NSD1: variants seen among roughly 807,000 people sequenced by gnomAD.
NSD1 encodes the protein histone-lysine N-methyltransferase, H3 lysine-36 specific.
A neutral mutation model predicts 242.7 loss-of-function variants in NSD1; 26 were observed. That is an observed-to-expected ratio of 0.11 (90% CI 0.08 to 0.15). NSD1 has a LOEUF of 0.15. NSD1 is among the 10% of genes least tolerant of loss of function. NSD1 has a pLI of 1.00. For missense variants in NSD1, 2,495 were observed against 3,272.8 expected, an observed-to-expected ratio of 0.76 and a Z score of 5.80; for synonymous variants, 1,106 against 1,178.1, an observed-to-expected ratio of 0.94 and a Z score of 1.25.
At chr5:177,235,252 A>T (rs1765353771) in intron 5 of NSD1, among the ~76,000 whole-genome samples, 2 of 152,356 alleles carry the variant, frequency 1.3e-5, no homozygotes, top group Admixed American at 1.3e-4. Flanking sequence ...TAATGTAGAA[A>T]ATAAATATTT....
At chr5:177,220,233 G>A (rs904388217) in intron 5 of NSD1, among the ~76,000 whole-genome samples, 1 of 152,082 alleles carries the variant, frequency 6.6e-6, no homozygotes, top group Non-Finnish European at 1.5e-5. Flanking sequence ...GGTGAATTAC[G>A]TATTTGCAAG....
rs771587260 is a variant in NSD1, at chr5:177,135,896, A to G, written c.793A>G (p.Ile265Val). 10 of 1,611,202 alleles carry G rather than the reference A, an allele frequency of 6.2e-6. No homozygotes were observed. The highest frequency in any genetic ancestry group is 3.3e-5 in the Admixed American group (2 of 59,960). ...CCCCTTTTCACTAGGAGACACAAAC[A>G]TTACAATAGAAGAGCAATTAAACTC... ...PAPFSLGDTN[I>V]TIEEQLNSIN... Residue 265 changes from isoleucine to valine, a missense_variant, in exon 2 of 23, where the codon ATT becomes GTT. By Grantham distance (29) the Ile-to-Val change is conservative (BLOSUM62 3). Coordinates refer to ENST00000439151, the MANE Select transcript of NSD1 (RefSeq NM_022455.5).
chr5:177,160,659 T>A (rs897872159), intron 2 of NSD1, among the ~76,000 whole-genome samples: 2 of 152,186 alleles, frequency 1.3e-5, no homozygotes, highest in Non-Finnish European at 2.9e-5. Context: ...CTTTTTTTGG[T>A]AATTTTGCAT....
chr5:177,155,281 G>A (rs779468981), intron 2 of NSD1, among the ~76,000 whole-genome samples: 20 of 150,100 alleles, frequency 1.3e-4, no homozygotes, highest in Non-Finnish European at 2.7e-4. Context: ...TAGCCACCGC[G>A]CCTGGCCTAA....
In NSD1 at chr5:177,238,433, T is replaced by C. The variant is rs1554195885; in HGVS notation, c.4118T>C (p.Leu1373Ser). ...CATGCTGAGTTGCCGCAGCTGACCT[T>C]GTCTGTGCCTGTGGCTCCGGAAGTC... ...GGHAELPQLT[L>S]SVPVAPEVSP... is the part of the protein sequence containing the mutation. Residue 1373 changes from leucine (L) to serine (S), a missense_variant, in exon 7 of 23, where the codon TTG becomes TCG. Leu to Ser is a moderately radical substitution (Grantham distance 145). This residue lies in a region of NSD1 where 100 missense variants were observed against 190.7 expected (regional missense o/e 0.52). Transcript: ENST00000439151. The surrounding 1 kb of genome is among the most constrained non-coding windows in gnomAD (Gnocchi z 4.6). 1 of 1,614,118 alleles carries C rather than the reference T, an allele frequency of 6.2e-7. No homozygotes were observed. The highest frequency in any genetic ancestry group is 8.5e-7 in the Non-Finnish European group (1 of 1,180,012).
chr5:177,289,567 G>C (rs983883128), intron 21 of NSD1, among the ~76,000 whole-genome samples: 1 of 151,970 alleles, frequency 6.6e-6, no homozygotes, highest in Admixed American at 6.6e-5. Flanking sequence ...ATAGATTCTT[G>C]GTATATCTGT....
chr5:177,279,393 G>A (rs555859262), intron 17 of NSD1, among the ~76,000 whole-genome samples: 27 of 152,154 alleles, frequency 1.8e-4, no homozygotes, highest in African/African-American at 6.5e-4. Context: ...AGCTACCTGG[G>A]AGGCTGAGGC....
At chr5:177,151,719 T>C (rs1757722133) in intron 2 of NSD1, among the ~76,000 whole-genome samples, 1 of 150,542 alleles carries the variant, frequency 6.6e-6, no homozygotes. Flanking sequence ...TGAGACAGGG[T>C]CTCACTCTGT....
chr5:177,200,766 A>T (rs901084779), intron 3 of NSD1, among the ~76,000 whole-genome samples: 1 of 152,228 alleles, frequency 6.6e-6, no homozygotes, highest in African/African-American at 2.4e-5. Flanking sequence ...TAAAGGCTAC[A>T]TAATACGTCA....
chr5:177,228,278 T>G (rs1195296087), intron 5 of NSD1, among the ~76,000 whole-genome samples: 1 of 151,626 alleles, frequency 6.6e-6, no homozygotes, highest in Non-Finnish European at 1.5e-5. Context: ...TTTTTTTTTT[T>G]TGAGTTAGAG....
At chr5:177,265,916 G>T (rs1757401727) in intron 14 of NSD1, 8 of 1,447,756 alleles carry the variant, frequency 5.5e-6, no homozygotes, top group Non-Finnish European at 7.8e-6. Context: ...CACCTTGACG[G>T]TGTAGATGTC....
chr5:177,230,623 T>G (rs1166694712), intron 5 of NSD1, among the ~76,000 whole-genome samples: 1 of 151,914 alleles, frequency 6.6e-6, no homozygotes, highest in African/African-American at 2.4e-5. Context: ...GACAGGAGTT[T>G]GAGACCAGCT....
At chr5:177,136,365 G>A in intron 2 of NSD1, 2 of 227,006 alleles carry the variant, frequency 8.8e-6, no homozygotes, top group East Asian at 8.9e-5. Context: ...TGGCCTGCCA[G>A]CACCATGAGT....
intron 2 of NSD1, among the ~76,000 whole-genome samples, chr5:177,166,041 C>T (rs1759168270): frequency 6.6e-6 from 1 of 151,736 alleles, no homozygotes; most frequent in Non-Finnish European, 1.5e-5. Context: ...TCCCGAGTGG[C>T]TGGGATTACA....
intron 2 of NSD1, among the ~76,000 whole-genome samples, chr5:177,179,830 G>A (rs79005939): frequency 0.025 from 3,860 of 152,208 alleles, 49 homozygotes; most frequent in African/African-American, 0.029. Flanking sequence ...ATGGGGAAGG[G>A]GGCCAATCAG....
chr5:177,191,795 A>C (rs949767501), intron 2 of NSD1, 89 bp from the exon 3 acceptor site: 1 of 1,387,964 alleles, frequency 7.2e-7, no homozygotes, highest in South Asian at 1.2e-5. Context: ...TTTTTCATAC[A>C]TTGCTTTTTC....
chr5:177,159,717 C>T lies in NSD1; in HGVS notation c.927+23687C>T, dbSNP rs867755467. ...TTCAAGCAATTCTGCCTCAGCCTCC[C>T]GAGTAGCTGGGATTGCAGGCATATA... is the stretch of plus-strand genomic sequence containing the variant. On this transcript the variant is annotated intron_variant, in intron 2 of 22. Transcript: ENST00000439151. Among the ~76,000 whole-genome samples the T allele has an allele frequency of 5.3e-5, 8 of 151,538 alleles. No homozygotes were observed. The South Asian group carries it at 6.3e-4, about 12-fold the overall frequency.
chr5:177,238,179 G>A lies in NSD1; in HGVS notation c.3922-58G>A. On this transcript the variant is annotated intron_variant, in intron 6 of 22. Transcript: ENST00000439151. The surrounding 1 kb of genome is among the most constrained non-coding windows in gnomAD (Gnocchi z 4.6). The stretch of plus-strand genomic sequence containing the variant: ...CCTTTTAAAGTGTGTTATTCTTTTT[G>A]ACACTTAAATTACAACAATTTTGGC... The A allele has an allele frequency of 6.3e-7, 1 of 1,579,742 alleles. No homozygotes were observed.
At chr5:177,260,474 G>A (rs570570321) in intron 14 of NSD1, among the ~76,000 whole-genome samples, 1 of 149,008 alleles carries the variant, frequency 6.7e-6, no homozygotes, top group East Asian at 2.0e-4. Flanking sequence ...AGCCTCCCAA[G>A]TAGCTGGGAT....
Sources: gnomAD v4.1 joint callset for allele counts (sites outside exome capture counted in the v4.1 genomes callset) on GRCh38, gnomAD v4.1.1 for gene constraint, gnomAD v4.1.1 regional missense constraint, Gnocchi (gnomAD v3.1) non-coding constraint, MANE v1.5 for transcripts, NCBI Gene and HGNC (gene_info 2026-07-23, HGNC 2026-07-21) for gene names.